Variants in SDK1 observed in about 807,000 individuals in gnomAD.
The protein encoded by SDK1 is protein sidekick-1.
In SDK1, 157 loss-of-function variants were observed where a neutral mutation model predicts 245.5. That is an observed-to-expected ratio of 0.64 (90% CI 0.56 to 0.73). The LOEUF is 0.73. SDK1 is among the 30% of genes least tolerant of loss of function. The pLI, the probability that SDK1 is intolerant of heterozygous loss-of-function variation, is 0.00. For missense variants in SDK1, 3,583 were observed against 3,002.3 expected, an observed-to-expected ratio of 1.19 and a Z score of -4.52; for synonymous variants, 1,647 against 1,278.5, an observed-to-expected ratio of 1.29 and a Z score of -6.15.
Position 4,268,523 on chromosome 7 carries a change from C to T in SDK1, c.*3139C>T. 3 of 1,228,580 alleles carry T rather than the reference C, an allele frequency of 2.4e-6. No individual in the cohort carries two copies. The highest frequency in any genetic ancestry group is 3.1e-6 in the Non-Finnish European group (3 of 954,438). The allele number at this position is 1,228,580 out of a possible 1,614,324, so 76.1% of individuals were successfully genotyped here. A position where few individuals can be genotyped will look rare whatever the true frequency, so the allele number is the denominator to read the frequency against. On this transcript the variant is annotated 3_prime_UTR_variant, in exon 45 of 45. Transcript: ENST00000404826. ...CAGGGAGAGGGGACCCAGATGGCCACACACGGAACGCGCCTCCACAGCCCC... is the reference window on the plus strand; with the variant it reads ...CAGGGAGAGGGGACCCAGATGGCCATACACGGAACGCGCCTCCACAGCCCC...
intron 5 of SDK1, among the ~76,000 whole-genome samples, chr7:3,881,877 A>G (rs531731667): frequency 1.3e-5 from 2 of 152,174 alleles, no homozygotes; most frequent in African/African-American, 2.4e-5. Context: ...GGGATGGGCT[A>G]CGGAAGCTTG....
intron 1 of SDK1, among the ~76,000 whole-genome samples, chr7:3,575,401 A>G (rs1487457749): frequency 6.6e-6 from 1 of 152,020 alleles, no homozygotes; most frequent in Non-Finnish European, 1.5e-5. Context: ...TCCAAAGGCC[A>G]TCACATCAGG....
intron 1 of SDK1, among the ~76,000 whole-genome samples, chr7:3,490,832 T>C (rs574373587): frequency 2.0e-4 from 30 of 152,308 alleles, no homozygotes; most frequent in African/African-American, 5.8e-4. Context: ...TTTTAGTATA[T>C]ACTCTCCCTT....
At chr7:4,262,602 G>C (rs963295438) in intron 44 of SDK1, among the ~76,000 whole-genome samples, 2 of 151,568 alleles carry the variant, frequency 1.3e-5, no homozygotes, top group African/African-American at 4.9e-5. Context: ...TATTCAGGCA[G>C]CTTCATTTCT....
At chr7:3,311,258 C>T (rs953036634) in intron 1 of SDK1, among the ~76,000 whole-genome samples, 1 of 151,968 alleles carries the variant, frequency 6.6e-6, no homozygotes, top group Non-Finnish European at 1.5e-5. Flanking sequence ...ATTTGAACTG[C>T]AGTAGTATTG....
intron 5 of SDK1, among the ~76,000 whole-genome samples, chr7:3,826,514 G>T (rs191254647): frequency 3.7e-4 from 56 of 152,322 alleles, no homozygotes; most frequent in Non-Finnish European, 6.0e-4. Context: ...TTGTGCTGGT[G>T]TTGTGAGTGA....
chr7:3,313,129 C>T (rs1379523357), intron 1 of SDK1, among the ~76,000 whole-genome samples: 1 of 152,190 alleles, frequency 6.6e-6, no homozygotes, highest in Non-Finnish European at 1.5e-5. Context: ...AATGAAATGG[C>T]TGGGTGTGGT....
intron 40 of SDK1, among the ~76,000 whole-genome samples, chr7:4,223,574 C>A (rs1258011190): frequency 6.6e-6 from 1 of 152,222 alleles, no homozygotes; most frequent in Admixed American, 6.5e-5. Context: ...ATGGTGATCT[C>A]CCTGTATGTG....
chr7:4,210,053 C>G lies in SDK1; in HGVS notation c.5430C>G (p.Phe1810Leu), dbSNP rs1326953081. 1 of 1,597,966 alleles carries G rather than the reference C, an allele frequency of 6.3e-7. No homozygotes were observed. The highest frequency in any genetic ancestry group is 1.3e-5 in the African/African-American group (1 of 74,216). ...AAPGAPSFLA[F>L]SEITSTTLNV... ...CTGGGGCCCCCAGCTTTCTGGCGTT[C>G]TCAGAAATAACCTCCACCACGCTCA... The change falls in exon 38 of 45, where the codon TTC becomes TTG. Residue 1810 changes from phenylalanine to leucine, a missense_variant. Physicochemically the swap from Phe to Leu is conservative, Grantham distance 22. Coordinates refer to ENST00000404826, the MANE Select transcript of SDK1 (RefSeq NM_152744.4).
rs559497771 is a variant in SDK1 at position 4,041,960 on chromosome 7, C to T, written c.2603-7388C>T. 8.2e-5 allele frequency among the ~76,000 whole-genome samples: 11 copies of T among 134,738 alleles called. 1 individual carries two copies. The highest frequency in any genetic ancestry group is 5.9e-4 in the East Asian group (3 of 5,052). 88.4% of individuals were successfully genotyped at this position (134,738 alleles called of 152,430 possible). A position where few individuals can be genotyped will look rare whatever the true frequency, so the allele number is the denominator to read the frequency against. Reference sequence around the variant, plus strand: ...TCCTGAGTAGCTGGGACTACAGGCCCGCGCCACCACGCCCAGCTAATTTTT... The same window carrying T: ...TCCTGAGTAGCTGGGACTACAGGCCTGCGCCACCACGCCCAGCTAATTTTT... On this transcript the variant is annotated intron_variant, in intron 17 of 44. Coordinates refer to ENST00000404826, the MANE Select transcript of SDK1 (RefSeq NM_152744.4).
chr7:4,255,310 G>C (rs1787556313), intron 44 of SDK1, among the ~76,000 whole-genome samples: 1 of 152,204 alleles, frequency 6.6e-6, no homozygotes, highest in African/African-American at 2.4e-5. Context: ...AGAGCTGGAA[G>C]CTCTCTGTTC....
chr7:3,573,447 GC>G (rs1780179930), intron 1 of SDK1, among the ~76,000 whole-genome samples: 1 of 150,420 alleles, frequency 6.6e-6, no homozygotes, highest in Non-Finnish European at 1.5e-5. Context: ...TTGTTCAAGG[GC>G]CCAGGGAAGA....
chr7:4,042,745 C>T (rs1188059198), intron 17 of SDK1, among the ~76,000 whole-genome samples: 1 of 152,188 alleles, frequency 6.6e-6, no homozygotes, highest in Non-Finnish European at 1.5e-5. Flanking sequence ...TTGTCGTTGG[C>T]TTAAGAAGGG....
Position 4,233,325 on chromosome 7 carries a change from T to C in SDK1, c.5898T>C (p.Asp1966=). The change falls in exon 41 of 45, where the codon GAT becomes GAC. Residue 1966 remains aspartate (D), a synonymous_variant. Transcript: ENST00000404826. ...RSATSYTLSL[D]KLRQGVTYEF... Reference sequence around the variant, plus strand: ...CCACATCCTACACCCTCAGCCTGGATAAGCTCCGGCAAGGAGTGACTTACG... The same window carrying C: ...CCACATCCTACACCCTCAGCCTGGACAAGCTCCGGCAAGGAGTGACTTACG... The C allele has an allele frequency of 6.2e-7, 1 of 1,614,000 alleles. No homozygotes were observed. The highest frequency in any genetic ancestry group is 8.5e-7 in the Non-Finnish European group (1 of 1,180,032).
Position 3,504,168 on chromosome 7 carries a change from T to TTA in SDK1, c.299-114898_299-114897dup, listed in dbSNP as rs540962515. 9.8e-3 allele frequency among the ~76,000 whole-genome samples: 1,077 copies of TTA among 110,010 alleles called. 16 individuals carry two copies. Among genetic ancestry groups the TTA allele is most frequent in the Admixed American group, 0.046 (465 of 10,068 alleles). The allele number at this position is 110,010 out of a possible 152,430, so 72.2% of individuals were successfully genotyped here. On this transcript the variant is annotated intron_variant, in intron 1 of 44. Transcript: ENST00000404826. ...CCTTCTCAAAAAAAAACCAAAAAAA[T>TTA]TATATATATATATATGTGTGTGTGT...
chr7:3,764,794 A>G (rs963358481), intron 4 of SDK1, among the ~76,000 whole-genome samples: 4 of 152,218 alleles, frequency 2.6e-5, no homozygotes, highest in African/African-American at 9.6e-5. Flanking sequence ...TTCATAATGA[A>G]TATGTATTTT....
At chr7:3,613,230 A>G (rs909647231) in intron 1 of SDK1, among the ~76,000 whole-genome samples, 7 of 152,150 alleles carry the variant, frequency 4.6e-5, no homozygotes, top group Admixed American at 3.9e-4. Context: ...GGGACGCAGG[A>G]TGAGGTAGTA....
At chr7:4,242,033 A>T in intron 43 of SDK1, 120 bp downstream of exon 43, 1 of 1,237,238 alleles carries the variant, frequency 8.1e-7, no homozygotes. Context: ...AGCAAAACCC[A>T]ACCCACCGCC....
intron 1 of SDK1, among the ~76,000 whole-genome samples, chr7:3,508,307 C>T (rs1782462371): frequency 6.8e-6 from 1 of 147,814 alleles, no homozygotes; most frequent in Admixed American, 6.9e-5. Context: ...CTGACATCAT[C>T]ATTCTTCTTC....
Sources: allele counts gnomAD v4.1 joint callset (sites outside exome capture counted in the v4.1 genomes callset), GRCh38; gene constraint gnomAD v4.1.1; transcripts MANE v1.5; gene names NCBI Gene and HGNC (gene_info 2026-07-23, HGNC 2026-07-21).